ZNF654: variants seen among roughly 807,000 people sequenced by gnomAD.
The protein encoded by ZNF654 is melanoma-associated antigen.
In ZNF654, 19 loss-of-function variants were observed where a neutral mutation model predicts 95.3. The ratio of observed to expected loss-of-function variants is 0.20; its 90% CI spans 0.14 to 0.29. ZNF654 has a LOEUF of 0.29. Ranked by LOEUF, ZNF654 falls within the 10% of genes least tolerant of loss-of-function variation. The pLI is 1.00. For missense variants in ZNF654, 1,046 were observed against 1,341.0 expected (o/e 0.78, Z 3.44); for synonymous variants, 413 against 457.9 (o/e 0.90, Z 1.25).
rs1706961299 is a variant in ZNF654, at chr3:88,138,900, G to A, written c.1231G>A (p.Val411Ile). The change falls in exon 8 of 9, where the codon GTT becomes ATT. Residue 411 changes from valine to isoleucine, a missense_variant. By Grantham distance (29) the Val-to-Ile change is conservative (BLOSUM62 3). Around this residue, in one of 9 missense-constraint regions of ZNF654, gnomAD observed 78 missense variants for 154.2 expected, o/e 0.51. Transcript: ENST00000636215. ...GCGCTCCTTAGAAGCGTATCGTACT[G>A]TTGAAGAGCTTTACAAACGTCCAGA... is the stretch of plus-strand genomic sequence containing the variant. ...LERSLEAYRT[V>I]EELYKRPDEE... The A allele has an allele frequency of 1.6e-6, 2 of 1,234,326 alleles. No homozygotes were observed. Among genetic ancestry groups the A allele is most frequent in the Non-Finnish European group, 2.0e-6 (2 of 989,764 alleles). 76.5% of individuals were successfully genotyped at this position (1,234,326 alleles called of 1,614,324 possible).
intron 1 of ZNF654, among the ~76,000 whole-genome samples, chr3:88,082,284 G>A (rs1437144787): frequency 1.3e-5 from 2 of 151,956 alleles, no homozygotes; most frequent in African/African-American, 2.4e-5. Context: ...GTGCCACCAC[G>A]CCCAGCTAAT....
chr3:88,139,698 A>C lies in ZNF654; in HGVS notation c.2029A>C (p.Ile677Leu). The C allele has an allele frequency of 6.3e-7, 1 of 1,585,800 alleles. No homozygotes were observed. The highest frequency in any genetic ancestry group is 8.6e-7 in the Non-Finnish European group (1 of 1,164,634). ...ACCAGAAGATGTTATTGAAAATGTT[A>C]TTGAAAATGGCAGTCCTAATAATTC... is the stretch of plus-strand genomic sequence containing the variant. ...SVPEDVIENVIENGSPNNSLN... is the reference protein window; with the variant it reads ...SVPEDVIENVLENGSPNNSLN... The change falls in exon 8 of 9, where the codon ATT becomes CTT. Residue 677 changes from isoleucine to leucine, a missense_variant. By Grantham distance (5) the Ile-to-Leu change is conservative. Around this residue, in one of 9 missense-constraint regions of ZNF654, gnomAD observed 495 missense variants for 537.0 expected, o/e 0.92. Coordinates refer to ENST00000636215, the MANE Select transcript of ZNF654 (RefSeq NM_001350134.2).
intron 3 of ZNF654, among the ~76,000 whole-genome samples, chr3:88,124,422 A>C (rs1007633359): frequency 9.9e-5 from 15 of 152,180 alleles, no homozygotes; most frequent in African/African-American, 3.6e-4. Context: ...TTTTGACTGG[A>C]CTGAATGATT....
chr3:88,129,150 G>T, intron 5 of ZNF654, 139 bp downstream of exon 5: 1 of 611,282 alleles, frequency 1.6e-6, no homozygotes, highest in Non-Finnish European at 2.7e-6. Context: ...ATCTGGATGT[G>T]TTTTCTTTTG....
chr3:88,086,046 C>T (rs1371754908), intron 1 of ZNF654, among the ~76,000 whole-genome samples: 1 of 152,052 alleles, frequency 6.6e-6, no homozygotes, highest in African/African-American at 2.4e-5. Flanking sequence ...GACATTCATA[C>T]ACTATATTTT....
At chr3:88,090,323 T>A (rs1708564549) in intron 2 of ZNF654, among the ~76,000 whole-genome samples, 1 of 152,108 alleles carries the variant, frequency 6.6e-6, no homozygotes, top group Admixed American at 6.5e-5. Context: ...TGACCCTGAT[T>A]CTATGTAGAA....
At chr3:88,123,911 T>C (rs1672634454) in intron 3 of ZNF654, among the ~76,000 whole-genome samples, 1 of 152,202 alleles carries the variant, frequency 6.6e-6, no homozygotes, top group Non-Finnish European at 1.5e-5. Flanking sequence ...CTACCTTGCT[T>C]ACCTTGGGAG....
chr3:88,125,807 TTA>T (rs907980769), intron 3 of ZNF654, among the ~76,000 whole-genome samples: 3 of 152,144 alleles, frequency 2.0e-5, no homozygotes, highest in African/African-American at 7.2e-5. Flanking sequence ...TTATGAACCT[TTA>T]TATAAATTTA....
rs546100650 is a variant in ZNF654 at position 88,059,359 on chromosome 3, G to A, written c.40G>A (p.Gly14Arg). 4.4e-5 allele frequency: 67 copies of A among 1,535,064 alleles called. No individual in the cohort carries two copies. The highest frequency in any genetic ancestry group is 5.8e-5 in the Non-Finnish European group (67 of 1,146,740). Reference protein sequence around the residue: ...EESDQEAERLGEELVAIVESP... With the variant: ...EESDQEAERLREELVAIVESP... ...GAGCGACCAAGAGGCCGAACGCCTC[G>A]GAGAAGAGCTTGTGGCCATTGTGGA... The change falls in exon 1 of 9, where the codon GGA (glycine) becomes AGA (arginine). Residue 14 changes from glycine to arginine, a missense_variant. This residue lies in a region of ZNF654 where 89 missense variants were observed against 77.9 expected (regional missense o/e 1.14). Transcript: ENST00000636215.
intron 2 of ZNF654, among the ~76,000 whole-genome samples, chr3:88,097,003 T>G (rs1576266961): frequency 6.6e-6 from 1 of 152,198 alleles, no homozygotes; most frequent in South Asian, 2.1e-4. Flanking sequence ...GAAAGAACAC[T>G]GGTCATCACA....
chr3:88,124,703 T>C (rs899336920), intron 3 of ZNF654, among the ~76,000 whole-genome samples: 2 of 152,160 alleles, frequency 1.3e-5, no homozygotes, highest in Non-Finnish European at 2.9e-5. Flanking sequence ...GTTTTTAATA[T>C]CAGAGATTTT....
chr3:88,113,275 GT>G (rs1473887973), intron 3 of ZNF654, 79 bp downstream of exon 3: 2 of 826,718 alleles, frequency 2.4e-6, no homozygotes, highest in Non-Finnish European at 3.7e-6. Flanking sequence ...TAGCTTATTG[GT>G]TATTATTGCT....
chr3:88,117,163 T>A (rs1456363993), intron 3 of ZNF654, among the ~76,000 whole-genome samples: 1 of 152,166 alleles, frequency 6.6e-6, no homozygotes, highest in Non-Finnish European at 1.5e-5. Context: ...AATTAGCAGA[T>A]TAACTCCAGT....
At chr3:88,117,710 A>G (rs1466913322) in intron 3 of ZNF654, among the ~76,000 whole-genome samples, 1 of 152,194 alleles carries the variant, frequency 6.6e-6, no homozygotes, top group East Asian at 1.9e-4. Context: ...AGCACACACA[A>G]TAATCTGGAA....
intron 4 of ZNF654, 112 bp from the exon 5 acceptor site, chr3:88,128,697 T>G: frequency 1.4e-6 from 1 of 694,584 alleles, no homozygotes; most frequent in Non-Finnish European, 2.3e-6. Context: ...AAAATGCTAT[T>G]TAAGTAGTTA....
intron 3 of ZNF654, among the ~76,000 whole-genome samples, chr3:88,116,994 T>A (rs1293737381): frequency 4.6e-5 from 7 of 152,102 alleles, no homozygotes; most frequent in South Asian, 2.1e-4. Context: ...TTTAAAAAAA[T>A]TTTTTCTTAA....
chr3:88,089,490 T>TAA (rs11425740), intron 2 of ZNF654, among the ~76,000 whole-genome samples: 223 of 147,682 alleles, frequency 1.5e-3, no homozygotes, highest in East Asian at 0.011. Context: ...AAACTCTGTT[T>TAA]AAAAAAAAAA....
chr3:88,060,482 A>G (rs1706810626), intron 1 of ZNF654, among the ~76,000 whole-genome samples: 2 of 152,148 alleles, frequency 1.3e-5, no homozygotes, highest in African/African-American at 4.8e-5. Flanking sequence ...TATTTTGGGG[A>G]AAAAAATTAA....
chr3:88,126,725 C>G (rs1199674977), intron 4 of ZNF654, among the ~76,000 whole-genome samples: 6 of 151,702 alleles, frequency 4.0e-5, no homozygotes, highest in Admixed American at 2.0e-4. Context: ...CTATAGCTAG[C>G]CCAGTGCTTG....
Sources: gnomAD v4.1 joint callset for allele counts (sites outside exome capture counted in the v4.1 genomes callset) on GRCh38, gnomAD v4.1.1 for gene constraint, gnomAD v4.1.1 regional missense constraint, MANE v1.5 for transcripts, NCBI Gene and HGNC (gene_info 2026-07-23, HGNC 2026-07-21) for gene names.